ENTPD3: variants seen among roughly 807,000 people sequenced by gnomAD.
ENTPD3 encodes ectonucleoside triphosphate diphosphohydrolase 3.
ENTPD3 carries 60 observed loss-of-function variants against 51.2 expected under a neutral mutation model. That is an observed-to-expected ratio of 1.17 (90% CI 0.95 to 1.45). The LOEUF is 1.45. Ranked by LOEUF, ENTPD3 falls within the 40% of genes most tolerant of loss-of-function variation. ENTPD3 has a pLI of 0.00. For missense variants in ENTPD3, 593 were observed against 641.1 expected, an observed-to-expected ratio of 0.93 and a Z score of 0.81; for synonymous variants, 221 against 238.4, an observed-to-expected ratio of 0.93 and a Z score of 0.67.
chr3:40,423,522 A>T, intron 9 of ENTPD3, 121 bp downstream of exon 9: 1 of 789,856 alleles, frequency 1.3e-6, no homozygotes, highest in South Asian at 1.8e-5. Context: ...TCTGTAAAAT[A>T]AAAGGAATAA....
intron 3 of ENTPD3, among the ~76,000 whole-genome samples, chr3:40,396,854 A>G (rs1001817044): frequency 1.3e-5 from 2 of 152,300 alleles, no homozygotes; most frequent in East Asian, 1.9e-4. Flanking sequence ...GGTTCTGCAC[A>G]GTCTAAAGGT....
chr3:40,407,235 T>C (rs1955525167), intron 4 of ENTPD3, among the ~76,000 whole-genome samples: 2 of 152,084 alleles, frequency 1.3e-5, no homozygotes. Flanking sequence ...ACACGATAAA[T>C]ATTTTAGACT....
At chr3:40,395,228 A>C (rs1401985820) in intron 3 of ENTPD3, among the ~76,000 whole-genome samples, 1 of 152,248 alleles carries the variant, frequency 6.6e-6, no homozygotes, top group Non-Finnish European at 1.5e-5. Context: ...TGGTTAAGGC[A>C]GTTGCCAGCT....
At chr3:40,417,500 C>T in intron 7 of ENTPD3, among the ~76,000 whole-genome samples, 1 of 152,148 alleles carries the variant, frequency 6.6e-6, no homozygotes, top group African/African-American at 2.4e-5. Context: ...ATGAGAACAG[C>T]AAGGGGGAAA....
At chr3:40,391,652 G>T (rs914207426) in intron 2 of ENTPD3, 2 of 242,864 alleles carry the variant, frequency 8.2e-6, no homozygotes. Flanking sequence ...CTCTAACCTG[G>T]GCGATAGAGT....
rs59063507 is a variant in ENTPD3, at chr3:40,399,987, G to A, written c.169-907G>A. 5.4e-3 allele frequency among the ~76,000 whole-genome samples: 821 copies of A among 152,076 alleles called. 6 individuals carry two copies. The highest frequency in any genetic ancestry group is 0.035 in the South Asian group (167 of 4,812). ...ATACAGGTATTAACATGCCTCAGCC[G>A]GGCACGGTGGCTCACGCCTGTAATC... On this transcript the variant is annotated intron_variant, in intron 3 of 10. Transcript: ENST00000301825.
intron 4 of ENTPD3, among the ~76,000 whole-genome samples, chr3:40,406,236 G>T (rs1274595962): frequency 2.6e-5 from 4 of 152,138 alleles, no homozygotes; most frequent in Admixed American, 2.6e-4. Context: ...GGAAGAACAT[G>T]CTGAGCAGAG....
intron 7 of ENTPD3, among the ~76,000 whole-genome samples, chr3:40,416,622 G>C (rs1473599842): frequency 6.6e-6 from 1 of 152,192 alleles, no homozygotes; most frequent in African/African-American, 2.4e-5. Flanking sequence ...CCAGGGCCCA[G>C]AAGGCTAATT....
chr3:40,402,585 C>A (rs1031371615), intron 4 of ENTPD3, among the ~76,000 whole-genome samples: 1 of 151,888 alleles, frequency 6.6e-6, no homozygotes, highest in African/African-American at 2.4e-5. Context: ...CATTGAAATT[C>A]TTTATAAATA....
At chr3:40,405,458 T>C (rs1362367696) in intron 4 of ENTPD3, among the ~76,000 whole-genome samples, 1 of 151,424 alleles carries the variant, frequency 6.6e-6, no homozygotes, top group African/African-American at 2.4e-5. Context: ...TGAGTGGAAA[T>C]CATGCCACTG....
At chr3:40,401,573 C>T (rs924460510) in intron 4 of ENTPD3, among the ~76,000 whole-genome samples, 10 of 152,294 alleles carry the variant, frequency 6.6e-5, no homozygotes, top group Middle Eastern at 3.4e-3. Flanking sequence ...TGTCTTCCAG[C>T]AGTGATAAGG....
intron 7 of ENTPD3, among the ~76,000 whole-genome samples, chr3:40,417,377 C>A (rs534084533): frequency 1.7e-4 from 26 of 152,216 alleles, no homozygotes; most frequent in African/African-American, 6.3e-4. Flanking sequence ...TAGTAGAAGG[C>A]GAAGCGGAAG....
chr3:40,400,264 CAA>C (rs374610863), intron 3 of ENTPD3, among the ~76,000 whole-genome samples: 30 of 72,554 alleles, frequency 4.1e-4, no homozygotes, highest in Admixed American at 6.8e-4. Flanking sequence ...AACTGCATCT[CAA>C]AAAAAAAAAA....
intron 7 of ENTPD3, among the ~76,000 whole-genome samples, chr3:40,417,241 C>G (rs1049307538): frequency 6.6e-6 from 1 of 152,156 alleles, no homozygotes; most frequent in Non-Finnish European, 1.5e-5. Context: ...TCCATGCTCA[C>G]ACTACTATAA....
chr3:40,396,335 T>C (rs891978535), intron 3 of ENTPD3, among the ~76,000 whole-genome samples: 1 of 152,146 alleles, frequency 6.6e-6, no homozygotes, highest in African/African-American at 2.4e-5. Flanking sequence ...GGTGATGAAG[T>C]TGAGCAAATA....
chr3:40,395,938 A>G (rs1230956459), intron 3 of ENTPD3, among the ~76,000 whole-genome samples: 1 of 152,208 alleles, frequency 6.6e-6, no homozygotes, highest in Non-Finnish European at 1.5e-5. Context: ...ATAGCTTCCC[A>G]TAGTTACACA....
chr3:40,423,043 T>G lies in ENTPD3; in HGVS notation c.1025T>G (p.Phe342Cys). The G allele has an allele frequency of 6.2e-7, 1 of 1,614,140 alleles. No homozygotes were observed. The highest frequency in any genetic ancestry group is 1.7e-5 in the Admixed American group (1 of 60,016). The change falls in exon 8 of 11, where the codon TTT becomes TGT. Residue 342 changes from phenylalanine to cysteine, a missense_variant. Coordinates refer to ENST00000301825, the MANE Select transcript of ENTPD3 (RefSeq NM_001248.4). Reference sequence around the variant, plus strand: ...TGTAAGGAGAAGGTGGCTTCCATATTTGACTTCAAAGCTTGCCATGATCAA... The same window carrying G: ...TGTAAGGAGAAGGTGGCTTCCATATGTGACTTCAAAGCTTGCCATGATCAA... ...SLCKEKVASIFDFKACHDQET... is the reference protein window; with the variant it reads ...SLCKEKVASICDFKACHDQET...
At chr3:40,401,788 A>C (rs1231949788) in intron 4 of ENTPD3, among the ~76,000 whole-genome samples, 3 of 152,142 alleles carry the variant, frequency 2.0e-5, no homozygotes, top group African/African-American at 7.2e-5. Flanking sequence ...CAGGCTGTAC[A>C]AAAAAAAGGT....
chr3:40,422,829 A>G, intron 7 of ENTPD3, 21 bp from the exon 8 acceptor site: 1 of 1,598,404 alleles, frequency 6.3e-7, no homozygotes, highest in Non-Finnish European at 8.5e-7. Flanking sequence ...CGTGTCTAAC[A>G]CCTTACTCTT....
Sources: allele counts gnomAD v4.1 joint callset (sites outside exome capture counted in the v4.1 genomes callset), GRCh38; gene constraint gnomAD v4.1.1; transcripts MANE v1.5; gene names NCBI Gene and HGNC (gene_info 2026-07-23, HGNC 2026-07-21).